The following CYP2C19 variants were observed in gnomAD, a reference collection of about 807,000 sequenced individuals.
CYP2C19 encodes the protein cytochrome P450 2C19.
CYP2C19 carries 59 observed loss-of-function variants against 40.9 expected under a neutral mutation model. The observed-to-expected ratio is 1.44, with a 90% CI of 1.17 to 1.79. CYP2C19 has a LOEUF of 1.79. CYP2C19 is among the 40% of genes most tolerant of loss of function. The pLI, the probability that CYP2C19 is intolerant of heterozygous loss-of-function variation, is 0.00. For synonymous variants in CYP2C19, 253 were observed against 208.7 expected, an observed-to-expected ratio of 1.21 and a Z score of -1.83; for missense variants, 754 against 596.9, an observed-to-expected ratio of 1.26 and a Z score of -2.74.
Position 94,788,136 on chromosome 10 carries a change from C to T in CYP2C19, c.819+6139C>T, listed in dbSNP as rs201288539. ...ATTCCACCCCCACCCCCCACTATGG[C>T]TATTTTAAATGGGATGGCATTCTTG... On this transcript the variant is annotated intron_variant, in intron 5 of 8. Transcript: ENST00000371321. Among the ~76,000 whole-genome samples the T allele has an allele frequency of 1.4e-4, 21 of 151,732 alleles. No homozygotes were observed. In the East Asian group the frequency reaches 4.1e-3, roughly 30 times the overall value.
At position 94,820,412 on chromosome 10, in the gene CYP2C19, A is replaced by T. The variant is rs535064064; in HGVS notation, c.820-84A>T. On this transcript the variant is annotated intron_variant, in intron 5 of 8. Coordinates refer to ENST00000371321, the MANE Select transcript of CYP2C19 (RefSeq NM_000769.4). ...CTTTACAGTTTCTATGTTGGTAAGTATACAATGTGAGTAATTTTGAATTTA... is the reference window on the plus strand; with the variant it reads ...CTTTACAGTTTCTATGTTGGTAAGTTTACAATGTGAGTAATTTTGAATTTA... 2.3e-5 allele frequency: 34 copies of T among 1,481,036 alleles called. No homozygotes were observed. In the South Asian group the frequency reaches 3.9e-4, roughly 17 times the overall value. The allele number at this position is 1,481,036 out of a possible 1,614,324, so 91.7% of individuals were successfully genotyped here.
intron 5 of CYP2C19, among the ~76,000 whole-genome samples, chr10:94,808,220 C>G (rs1349071354): frequency 6.6e-6 from 1 of 151,918 alleles, no homozygotes; most frequent in Non-Finnish European, 1.5e-5. Context: ...TTCCATGGGT[C>G]CATGTGTCTG....
chr10:94,796,593 C>A (rs925415629), intron 5 of CYP2C19, among the ~76,000 whole-genome samples: 1 of 152,026 alleles, frequency 6.6e-6, no homozygotes, highest in Non-Finnish European at 1.5e-5. Flanking sequence ...GGCAGTATGG[C>A]CATTTTCACG....
At chr10:94,842,622 G>A (rs1246881762) in intron 6 of CYP2C19, among the ~76,000 whole-genome samples, 1 of 151,712 alleles carries the variant, frequency 6.6e-6, no homozygotes, top group Non-Finnish European at 1.5e-5. Context: ...CTGCATATAT[G>A]TGTACAGATT....
chr10:94,764,464 T>C (rs1041577593), intron 1 of CYP2C19, among the ~76,000 whole-genome samples: 5 of 152,172 alleles, frequency 3.3e-5, no homozygotes, highest in Non-Finnish European at 7.3e-5. Context: ...ATCCTTTAGC[T>C]AGACAGAAAA....
intron 1 of CYP2C19, among the ~76,000 whole-genome samples, chr10:94,764,649 T>A (rs896463853): frequency 2.0e-5 from 3 of 152,096 alleles, no homozygotes; most frequent in Admixed American, 6.5e-5. Context: ...GGAGGGGAAC[T>A]CTTTAGGCCA....
At chr10:94,837,987 A>G (rs890704084) in intron 6 of CYP2C19, among the ~76,000 whole-genome samples, 1 of 152,068 alleles carries the variant, frequency 6.6e-6, no homozygotes, top group Non-Finnish European at 1.5e-5. Flanking sequence ...GCCCTATTAG[A>G]CATATAATTT....
intron 5 of CYP2C19, among the ~76,000 whole-genome samples, chr10:94,817,712 G>A (rs1174393155): frequency 1.3e-5 from 2 of 151,888 alleles, no homozygotes; most frequent in African/African-American, 2.4e-5. Flanking sequence ...TATGGTTTTA[G>A]GTCTAACGTT....
At chr10:94,799,030 T>A (rs1326498215) in intron 5 of CYP2C19, among the ~76,000 whole-genome samples, 1 of 152,034 alleles carries the variant, frequency 6.6e-6, no homozygotes, top group Non-Finnish European at 1.5e-5. Flanking sequence ...TATATGAGAA[T>A]TTGATCCTGT....
rs145597907 is a variant in CYP2C19, at chr10:94,797,052, G to A, written c.819+15055G>A. ...CGTTGAATAGGAGTGGTGAGAGAGGGCATCCCTGACTTGTGCCAGTTTTCA... is the reference window on the plus strand; with the variant it reads ...CGTTGAATAGGAGTGGTGAGAGAGGACATCCCTGACTTGTGCCAGTTTTCA... On this transcript the variant is annotated intron_variant, in intron 5 of 8. Coordinates refer to ENST00000371321, the MANE Select transcript of CYP2C19 (RefSeq NM_000769.4). Among the ~76,000 whole-genome samples, 1,260 of 152,198 alleles carry A rather than the reference G, an allele frequency of 8.3e-3. 19 individuals are homozygous for A. The highest frequency in any genetic ancestry group is 0.059 in the East Asian group (307 of 5,184).
intron 3 of CYP2C19, among the ~76,000 whole-genome samples, chr10:94,776,701 A>C (rs182527785): frequency 6.6e-6 from 1 of 152,302 alleles, no homozygotes; most frequent in East Asian, 1.9e-4. Flanking sequence ...ATCATATTTA[A>C]TGGGCAAAAT....
chr10:94,772,492 C>T (rs555200867), intron 1 of CYP2C19, among the ~76,000 whole-genome samples: 1 of 152,160 alleles, frequency 6.6e-6, no homozygotes, highest in African/African-American at 2.4e-5. Flanking sequence ...GCATTAGGAC[C>T]CAGGAGGCAA....
intron 5 of CYP2C19, among the ~76,000 whole-genome samples, chr10:94,804,608 C>A (rs1004383324): frequency 2.1e-4 from 32 of 152,156 alleles, no homozygotes; most frequent in African/African-American, 7.0e-4. Flanking sequence ...TCTCCCTTGA[C>A]CTGGGTTGCT....
chr10:94,763,811 C>T (rs1319318327), intron 1 of CYP2C19, among the ~76,000 whole-genome samples: 1 of 152,044 alleles, frequency 6.6e-6, no homozygotes, highest in Non-Finnish European at 1.5e-5. Context: ...GGTTCTTGGT[C>T]TCGCTGACTT....
At chr10:94,801,940 G>A (rs1321266718) in intron 5 of CYP2C19, among the ~76,000 whole-genome samples, 1 of 152,208 alleles carries the variant, frequency 6.6e-6, no homozygotes, top group African/African-American at 2.4e-5. Flanking sequence ...AAAAAAGTGA[G>A]TAGCAGCAAG....
chr10:94,813,912 T>C (rs936253250), intron 5 of CYP2C19, among the ~76,000 whole-genome samples: 4 of 151,164 alleles, frequency 2.6e-5, no homozygotes, highest in African/African-American at 9.7e-5. Flanking sequence ...GCCCTGGTGG[T>C]GTAGGCTCTG....
At chr10:94,775,742 G>A in intron 3 of CYP2C19, 1 of 780,928 alleles carries the variant, frequency 1.3e-6, no homozygotes, top group Non-Finnish European at 2.0e-6. Flanking sequence ...TGCATACAGT[G>A]TGGGTATAAA....
chr10:94,806,970 C>A (rs867725086), intron 5 of CYP2C19, among the ~76,000 whole-genome samples: 4 of 152,046 alleles, frequency 2.6e-5, no homozygotes, highest in Non-Finnish European at 5.9e-5. Context: ...TCACCCTACA[C>A]TGCTATAGAA....
intron 6 of CYP2C19, among the ~76,000 whole-genome samples, chr10:94,822,952 A>G (rs745904834): frequency 2.4e-4 from 36 of 151,066 alleles, no homozygotes; most frequent in Non-Finnish European, 4.9e-4. Flanking sequence ...AATTTGTTTT[A>G]GTTTTTTATA....
Sources: gnomAD v4.1 joint callset for allele counts (sites outside exome capture counted in the v4.1 genomes callset) on GRCh38, gnomAD v4.1.1 for gene constraint, MANE v1.5 for transcripts, NCBI Gene and HGNC (gene_info 2026-07-23, HGNC 2026-07-21) for gene names.